The following NAP1L1 variants were observed in gnomAD, a reference collection of about 807,000 sequenced individuals.
The protein encoded by NAP1L1 is nucleosome assembly protein 1 like 1, also known as nucleosome assembly protein 1-like 1.
A neutral mutation model predicts 58.9 loss-of-function variants in NAP1L1; 9 were observed. That is an observed-to-expected ratio of 0.15 (90% CI 0.09 to 0.27). The LOEUF is 0.27. Ranked by LOEUF, NAP1L1 falls within the 10% of genes least tolerant of loss-of-function variation. The probability of loss-of-function intolerance (pLI) is 1.00; values close to 1 mark genes in which losing one functional copy is unlikely to be tolerated. For missense variants in NAP1L1, 302 were observed against 458.8 expected, an observed-to-expected ratio of 0.66 and a Z score of 3.12; for synonymous variants, 130 against 138.3, an observed-to-expected ratio of 0.94 and a Z score of 0.42.
intron 2 of NAP1L1, among the ~76,000 whole-genome samples, chr12:76,073,201 T>C (rs1165266175): frequency 6.6e-6 from 1 of 152,136 alleles, no homozygotes; most frequent in Non-Finnish European, 1.5e-5. Flanking sequence ...GTGGCCCAAA[T>C]TCTTATTTGT....
rs1034434319 is a variant in NAP1L1 at position 76,042,467 on chromosome 12, G to C, written c.*5962C>G. The stretch of plus-strand genomic sequence containing the variant: ...ACATATCCATTAAAATTTGGTAGCA[G>C]AGACATTTGTTTAGGGGCTGAAAAG... On this transcript the variant is annotated 3_prime_UTR_variant, in exon 15 of 15. Coordinates refer to ENST00000618691, the MANE Select transcript of NAP1L1 (RefSeq NM_004537.7). 3.9e-5 allele frequency: 6 copies of C among 152,172 alleles called. No individual in the cohort carries two copies. The highest frequency in any genetic ancestry group is 1.4e-4 in the African/African-American group (6 of 41,444). 9.4% of individuals were successfully genotyped at this position (152,172 alleles called of 1,614,324 possible).
At chr12:76,078,935 C>G (rs973802599) in intron 1 of NAP1L1, among the ~76,000 whole-genome samples, 2 of 151,984 alleles carry the variant, frequency 1.3e-5, no homozygotes, top group Non-Finnish European at 2.9e-5. Flanking sequence ...GACACCAATC[C>G]ACAGATTCAA....
chr12:76,040,040 G>A lies in NAP1L1; in HGVS notation c.*8389C>T, dbSNP rs779867680. 5 of 152,106 alleles carry A rather than the reference G, an allele frequency of 3.3e-5. No homozygotes were observed. Among genetic ancestry groups the A allele is most frequent in the Non-Finnish European group, 5.9e-5 (4 of 68,022 alleles). The allele number at this position is 152,106 out of a possible 1,614,324, so 9.4% of individuals were successfully genotyped here. On this transcript the variant is annotated 3_prime_UTR_variant, in exon 15 of 15. Transcript: ENST00000618691. Reference sequence around the variant, plus strand: ...ATCAAGCTTGACATTTTTGTCTGAGGGAGTTCACTACGTTATAGCTTGAAT... The same window carrying A: ...ATCAAGCTTGACATTTTTGTCTGAGAGAGTTCACTACGTTATAGCTTGAAT...
intron 1 of NAP1L1, chr12:76,084,226 A>G (rs1402919685): frequency 1.3e-5 from 2 of 152,138 alleles, no homozygotes. Flanking sequence ...CTCGCGGCGC[A>G]GCCGAGTCTC....
chr12:76,066,129 TAAATAAATAAACAAACAAAC>T (rs1356366196), intron 4 of NAP1L1, among the ~76,000 whole-genome samples: 3 of 117,120 alleles, frequency 2.6e-5, no homozygotes, highest in East Asian at 2.2e-4. Context: ...AATAAATAAA[TAAATAAATAAACAAACAAAC>T]AAACAAACCT....
intron 11 of NAP1L1, 23 bp downstream of exon 11, chr12:76,053,068 A>G (rs1948915785): frequency 1.3e-6 from 2 of 1,584,910 alleles, no homozygotes; most frequent in African/African-American, 1.4e-5. Context: ...ACAATTCAAT[A>G]AATATATAAC....
chr12:76,049,325 T>C, intron 13 of NAP1L1, 75 bp from the exon 14 acceptor site: 1 of 1,608,248 alleles, frequency 6.2e-7, no homozygotes, highest in Non-Finnish European at 8.5e-7. Context: ...AGGGAAAATT[T>C]AATACAAGTT....
In NAP1L1 at chr12:76,049,745, G is replaced by A. The variant is rs746605485; in HGVS notation, c.1089+11C>T. Reference sequence around the variant, plus strand: ...CCACAGAGAATTATTTGCTCATTTGGTAAACATTACCTCATCCGCTTCTTC... The same window carrying A: ...CCACAGAGAATTATTTGCTCATTTGATAAACATTACCTCATCCGCTTCTTC... On this transcript the variant is annotated intron_variant, in intron 13 of 14. Coordinates refer to ENST00000618691, the MANE Select transcript of NAP1L1 (RefSeq NM_004537.7). 3 of 1,612,416 alleles carry A rather than the reference G, an allele frequency of 1.9e-6. No homozygotes were observed. Among genetic ancestry groups the A allele is most frequent in the Non-Finnish European group, 2.5e-6 (3 of 1,179,346 alleles).
intron 1 of NAP1L1, among the ~76,000 whole-genome samples, chr12:76,075,348 T>C (rs1245331606): frequency 6.6e-6 from 1 of 152,152 alleles, no homozygotes; most frequent in Non-Finnish European, 1.5e-5. Context: ...AGTTATCTGG[T>C]AAAAATTAAA....
intron 1 of NAP1L1, among the ~76,000 whole-genome samples, chr12:76,076,237 A>G (rs1950164320): frequency 6.6e-6 from 1 of 152,124 alleles, no homozygotes; most frequent in Admixed American, 6.5e-5. Flanking sequence ...TCTTGGTTGT[A>G]CACACACTCC....
rs899630845 is a variant in NAP1L1 at position 76,042,101 on chromosome 12, G to A, written c.*6328C>T. On this transcript the variant is annotated 3_prime_UTR_variant, in exon 15 of 15. Transcript: ENST00000618691. ...ATAAAATCTTCAAAACGAGGCATAT[G>A]TTTAATTTTATTATCCAGTCTTAGT... The A allele has an allele frequency of 1.3e-5, 2 of 151,952 alleles. No individual in the cohort carries two copies. Among genetic ancestry groups the A allele is most frequent in the African/African-American group, 2.4e-5 (1 of 41,364 alleles). The allele number at this position is 151,952 out of a possible 1,614,324, so 9.4% of individuals were successfully genotyped here.
chr12:76,054,433 A>G (rs984599586), intron 8 of NAP1L1, among the ~76,000 whole-genome samples: 3 of 152,250 alleles, frequency 2.0e-5, no homozygotes, highest in East Asian at 3.8e-4. Context: ...TGAACTGAAT[A>G]GAACTTAGTT....
At position 76,058,941 on chromosome 12, in the gene NAP1L1, A is replaced by T. The variant is rs1429159747; in HGVS notation, c.429+857T>A. Among the ~76,000 whole-genome samples the T allele has an allele frequency of 3.3e-5, 5 of 152,122 alleles. No individual in the cohort carries two copies. In the East Asian group the frequency reaches 7.7e-4, roughly 23 times the overall value. ...GGCACAATAACATACTGTTGGTAGG[A>T]GTTGTTGGAGCTATTCTGGAGATTA... On this transcript the variant is annotated intron_variant, in intron 6 of 14. Coordinates refer to ENST00000618691, the MANE Select transcript of NAP1L1 (RefSeq NM_004537.7).
chr12:76,049,181 C>T lies in NAP1L1; in HGVS notation c.1140+19G>A. The stretch of plus-strand genomic sequence containing the variant: ...TAGCTATCTTAAATTTAATAGAAAG[C>T]AGCACTAATTTTGCTCACCTTTGGG... On this transcript the variant is annotated intron_variant, in intron 14 of 14. Transcript: ENST00000618691. The T allele has an allele frequency of 6.2e-7, 1 of 1,602,644 alleles. No homozygotes were observed. Among genetic ancestry groups the T allele is most frequent in the South Asian group, 1.1e-5 (1 of 90,720 alleles).
Position 76,045,406 on chromosome 12 carries a change from T to G in NAP1L1, c.*3023A>C, listed in dbSNP as rs1360224359. On this transcript the variant is annotated 3_prime_UTR_variant, in exon 15 of 15. Transcript: ENST00000618691. ...AGTTACTTCAAGTTTTGTCTTTATT[T>G]TTAATAATGGGAATGGCCTACAATT... The G allele has an allele frequency of 6.6e-6, 1 of 152,110 alleles. No homozygotes were observed. The highest frequency in any genetic ancestry group is 1.5e-5 in the Non-Finnish European group (1 of 67,928). The allele number at this position is 152,110 out of a possible 1,614,324, so 9.4% of individuals were successfully genotyped here.
chr12:76,050,272 T>C (rs17116170), intron 12 of NAP1L1, among the ~76,000 whole-genome samples: 2,823 of 152,232 alleles, frequency 0.019, 102 homozygotes, highest in African/African-American at 0.065. Context: ...AATAGATCTA[T>C]AGCACTAACC....
At position 76,041,190 on chromosome 12, in the gene NAP1L1, A is replaced by AT. The variant is rs768975222; in HGVS notation, c.*7238dup. The stretch of plus-strand genomic sequence containing the variant: ...GACTTGCTACACAGTCCCACACAGG[A>AT]TTATGGTTGGTACATTGAATGGGTC... On this transcript the variant is annotated 3_prime_UTR_variant, in exon 15 of 15. Coordinates refer to ENST00000618691, the MANE Select transcript of NAP1L1 (RefSeq NM_004537.7). 34 of 152,230 alleles carry AT rather than the reference A, an allele frequency of 2.2e-4. No homozygotes were observed. Among genetic ancestry groups the AT allele is most frequent in the Non-Finnish European group, 8.8e-5 (6 of 68,036 alleles). 9.4% of individuals were successfully genotyped at this position (152,230 alleles called of 1,614,324 possible).
intron 2 of NAP1L1, chr12:76,073,892 C>A (rs1191969948): frequency 1.2e-5 from 3 of 247,476 alleles, no homozygotes. Flanking sequence ...AGCAGTAAAT[C>A]TTTGGGAAAT....
In NAP1L1 at chr12:76,068,919, T is replaced by C; in HGVS notation, c.93A>G (p.Thr31=). ...EVEEEETGEE[T]KLKARQLTVQ... Reference sequence around the variant, plus strand: ...AATTTAAAGTAATACCTTTGAGTTTTGTTTCTTCACCAGTTTCCTCTTCTT... The same window carrying C: ...AATTTAAAGTAATACCTTTGAGTTTCGTTTCTTCACCAGTTTCCTCTTCTT... The change falls in exon 3 of 15, where the codon ACA becomes ACG. Residue 31 remains threonine, a synonymous_variant. Coordinates refer to ENST00000618691, the MANE Select transcript of NAP1L1 (RefSeq NM_004537.7). 1 of 1,611,118 alleles carries C rather than the reference T, an allele frequency of 6.2e-7. No homozygotes were observed. The highest frequency in any genetic ancestry group is 8.5e-7 in the Non-Finnish European group (1 of 1,177,508).
Sources: allele counts gnomAD v4.1 joint callset (sites outside exome capture counted in the v4.1 genomes callset), GRCh38; gene constraint gnomAD v4.1.1; transcripts MANE v1.5; gene names NCBI Gene and HGNC (gene_info 2026-07-23, HGNC 2026-07-21).